DIAPH2: variants seen among roughly 807,000 people sequenced by gnomAD.
The protein encoded by DIAPH2 is diaphanous related formin 2.
In DIAPH2, 35 loss-of-function variants were observed where a neutral mutation model predicts 92.7. The ratio of observed to expected loss-of-function variants is 0.38; its 90% CI spans 0.29 to 0.50. The LOEUF is 0.50. Ranked by LOEUF, DIAPH2 falls within the 20% of genes least tolerant of loss-of-function variation. The pLI, the probability that DIAPH2 is intolerant of heterozygous loss-of-function variation, is 0.94. For missense variants in DIAPH2, 701 were observed against 819.5 expected (o/e 0.86, Z 1.77); for synonymous variants, 301 against 280.4 (o/e 1.07, Z -0.73).
At chrX:96,781,858 A>G (rs2064420246) in intron 4 of DIAPH2, among the ~76,000 whole-genome samples, 1 of 111,100 alleles carries the variant, frequency 9.0e-6, no homozygotes, top group Non-Finnish European at 1.9e-5. Flanking sequence ...AGTACACCAG[A>G]TAACTGTTAT....
intron 17 of DIAPH2, among the ~76,000 whole-genome samples, chrX:97,067,391 T>C (rs764173609): frequency 8.4e-4 from 94 of 112,242 alleles, no homozygotes; most frequent in African/African-American, 3.0e-3. Context: ...TATTTTTATG[T>C]CAAAAAATAG....
intron 3 of DIAPH2, among the ~76,000 whole-genome samples, chrX:96,749,142 A>AT (rs1569382768): frequency 2.5e-4 from 20 of 79,276 alleles, no homozygotes; most frequent in African/African-American, 9.8e-4. Context: ...AAAAAAAAAA[A>AT]AAAATATATA....
At chrX:96,738,849 C>A in intron 3 of DIAPH2, 87 bp downstream of exon 3, 1 of 722,475 alleles carries the variant, frequency 1.4e-6, no homozygotes, top group Non-Finnish European at 2.0e-6. Flanking sequence ...TTTGTATGGA[C>A]AGTGTTTATA....
rs148630956 is a variant in DIAPH2, at chrX:97,603,407, G to A, written c.*4090G>A. The A allele has an allele frequency of 0.046, 5,032 of 110,473 alleles. 121 individuals are homozygous for A. Among genetic ancestry groups the A allele is most frequent in the Non-Finnish European group, 0.069 (3,669 of 52,854 alleles). The allele number at this position is 110,473 out of a possible 1,213,427, so 9.1% of individuals were successfully genotyped here. On this transcript the variant is annotated 3_prime_UTR_variant, in exon 27 of 27. Coordinates refer to ENST00000324765, the MANE Select transcript of DIAPH2 (RefSeq NM_006729.5). The stretch of plus-strand genomic sequence containing the variant: ...CAAGTAGCTGGGTCTACAGGTGCAT[G>A]CCACCATGCCTGGCTAATTTTTTGC...
intron 25 of DIAPH2, among the ~76,000 whole-genome samples, chrX:97,397,130 C>T (rs1462752210): frequency 9.0e-6 from 1 of 111,646 alleles, no homozygotes; most frequent in East Asian, 2.8e-4. Context: ...AGCAATTATA[C>T]CTTTGTCACA....
chrX:97,142,679 GAAA>G, intron 22 of DIAPH2, among the ~76,000 whole-genome samples: 1 of 111,914 alleles, frequency 8.9e-6, no homozygotes, highest in East Asian at 2.8e-4. Flanking sequence ...AAAAGTGAAA[GAAA>G]AGAAGATTAA....
intron 19 of DIAPH2, among the ~76,000 whole-genome samples, chrX:97,098,439 G>T (rs897505989): frequency 8.9e-6 from 1 of 112,137 alleles, no homozygotes. Context: ...CTTCATATCA[G>T]TGGAATCATA....
intron 5 of DIAPH2, among the ~76,000 whole-genome samples, chrX:96,900,443 C>A (rs945546771): frequency 9.9e-5 from 11 of 111,099 alleles, no homozygotes; most frequent in African/African-American, 3.6e-4. Flanking sequence ...TCCTCTTTTC[C>A]AATTTGGATG....
chrX:97,202,168 A>C (rs1435666757), intron 22 of DIAPH2, among the ~76,000 whole-genome samples: 1 of 111,982 alleles, frequency 8.9e-6, no homozygotes, highest in African/African-American at 3.2e-5. Context: ...GGAAGCACTA[A>C]ATATAGAAAG....
chrX:96,963,647 C>G (rs2065878036), intron 16 of DIAPH2, among the ~76,000 whole-genome samples: 1 of 111,249 alleles, frequency 9.0e-6, no homozygotes, highest in South Asian at 3.9e-4. Context: ...CTCTGGGCTC[C>G]CAGCTAATCA....
chrX:97,102,812 C>T (rs1230913985), intron 20 of DIAPH2, among the ~76,000 whole-genome samples: 1 of 111,159 alleles, frequency 9.0e-6, no homozygotes, highest in African/African-American at 3.3e-5. Context: ...TGGTGGCGCA[C>T]GCCTGTAGTC....
At chrX:97,121,643 T>C (rs2067059273) in intron 21 of DIAPH2, among the ~76,000 whole-genome samples, 1 of 112,310 alleles carries the variant, frequency 8.9e-6, no homozygotes, top group South Asian at 3.7e-4. Context: ...AACTGTTGAA[T>C]ATGTAACTGT....
intron 1 of DIAPH2, among the ~76,000 whole-genome samples, chrX:96,734,946 A>G (rs2064077387): frequency 9.0e-6 from 1 of 111,061 alleles, no homozygotes; most frequent in Non-Finnish European, 1.9e-5. Context: ...ATTTAATTCA[A>G]TTTCTAACAG....
chrX:96,863,241 CT>C (rs72109103), intron 4 of DIAPH2, among the ~76,000 whole-genome samples: 8,536 of 85,964 alleles, frequency 0.099, 441 homozygotes, highest in East Asian at 0.25. Flanking sequence ...CTCATTATTC[CT>C]TTTTTTTTTT....
At chrX:97,075,719 A>T (rs1051818948) in intron 19 of DIAPH2, among the ~76,000 whole-genome samples, 1 of 112,022 alleles carries the variant, frequency 8.9e-6, no homozygotes, top group Admixed American at 9.5e-5. Context: ...CTGTTTGGGT[A>T]CATAACATGT....
At chrX:96,797,721 T>C (rs2064551558) in intron 4 of DIAPH2, among the ~76,000 whole-genome samples, 1 of 112,162 alleles carries the variant, frequency 8.9e-6, no homozygotes, top group South Asian at 3.7e-4. Context: ...AGGGTAGATG[T>C]ACAGGATGTG....
chrX:96,889,201 T>C (rs903404625), intron 5 of DIAPH2, among the ~76,000 whole-genome samples: 1 of 111,724 alleles, frequency 9.0e-6, no homozygotes, highest in Non-Finnish European at 1.9e-5. Flanking sequence ...CGTAATACCA[T>C]TTGGGCCTAT....
chrX:96,858,871 C>T (rs2065055935), intron 4 of DIAPH2, among the ~76,000 whole-genome samples: 1 of 111,802 alleles, frequency 8.9e-6, no homozygotes, highest in Admixed American at 9.5e-5. Flanking sequence ...GTCCGCTTCT[C>T]TCTGCTTCTT....
chrX:97,562,307 C>A (rs1163720822), intron 26 of DIAPH2, among the ~76,000 whole-genome samples: 1 of 106,167 alleles, frequency 9.4e-6, no homozygotes, highest in East Asian at 2.9e-4. Flanking sequence ...ACCAGCCTGG[C>A]CAATATGGTG....
Sources: allele counts gnomAD v4.1 joint callset (sites outside exome capture counted in the v4.1 genomes callset), GRCh38; gene constraint gnomAD v4.1.1; transcripts MANE v1.5; gene names NCBI Gene and HGNC (gene_info 2026-07-23, HGNC 2026-07-21).